The following COL1A2 variants were observed in gnomAD, a reference collection of about 807,000 sequenced individuals.
COL1A2 encodes the protein collagen alpha-2(I) chain.
COL1A2 carries 49 observed loss-of-function variants against 174.3 expected under a neutral mutation model. The ratio of observed to expected loss-of-function variants is 0.28; its 90% CI spans 0.22 to 0.36. COL1A2 has a LOEUF of 0.36. Among genes scored for constraint, COL1A2 ranks in the 10% least tolerant of loss-of-function variants. The probability of loss-of-function intolerance (pLI) is 1.00; values close to 1 mark genes in which losing one functional copy is unlikely to be tolerated. For missense variants in COL1A2, 1,438 were observed against 1,822.7 expected, an observed-to-expected ratio of 0.79 and a Z score of 3.84; for synonymous variants, 655 against 606.6, an observed-to-expected ratio of 1.08 and a Z score of -1.17.
At chr7:94,416,270 G>T in intron 30 of COL1A2, 135 bp from the exon 31 acceptor site, 1 of 713,998 alleles carries the variant, frequency 1.4e-6, no homozygotes, top group South Asian at 1.9e-5. Flanking sequence ...GAGAGATTAG[G>T]AACAAAAGAA....
Position 94,420,348 on chromosome 7 carries a change from C to T in COL1A2, c.2134-43C>T, listed in dbSNP as rs368041478. The T allele has an allele frequency of 6.4e-5, 104 of 1,613,942 alleles. 1 individual carries two copies. Among genetic ancestry groups the T allele is most frequent in the Non-Finnish European group, 7.8e-5 (92 of 1,180,010 alleles). On this transcript the variant is annotated intron_variant, in intron 35 of 51. Transcript: ENST00000297268. Reference sequence around the variant, plus strand: ...CTCACAATGTTTAGACATTGATGAACCTAGGATTGATAACACATTTTTAAA... The same window carrying T: ...CTCACAATGTTTAGACATTGATGAATCTAGGATTGATAACACATTTTTAAA...
rs74335369 is a variant in COL1A2 at position 94,429,175 on chromosome 7, C to T, written c.3712-13C>T. 9,013 of 1,603,358 alleles carry T rather than the reference C, an allele frequency of 5.6e-3. 426 individuals carry two copies. The African/African-American group carries it at 0.1, about 18-fold the overall frequency. The stretch of plus-strand genomic sequence containing the variant: ...TTCTCCACTTAACTGGAATTTCATC[C>T]TATTTTCTGTAGTTTGAATATAATG... On this transcript the variant is annotated splice_polypyrimidine_tract_variant and intron_variant, in intron 50 of 51. Coordinates refer to ENST00000297268, the MANE Select transcript of COL1A2 (RefSeq NM_000089.4).
intron 31 of COL1A2, 43 bp downstream of exon 31, chr7:94,416,546 G>A: frequency 7.1e-7 from 1 of 1,409,374 alleles, no homozygotes; most frequent in Non-Finnish European, 9.8e-7. Flanking sequence ...GGCCCAGTCT[G>A]CCTGGAATAA....
chr7:94,428,401 C>T lies in COL1A2; in HGVS notation c.3635C>T (p.Pro1212Leu). The change falls in exon 50 of 52, where the codon CCA becomes CTA. Residue 1212 changes from proline to leucine, a missense_variant. Physicochemically the swap from Pro to Leu is moderately conservative, Grantham distance 98 (BLOSUM62 -3). Around this residue, in one of 3 missense-constraint regions of COL1A2, gnomAD observed 290 missense variants for 298.1 expected, o/e 0.97. Transcript: ENST00000297268. ...ATCCGGGCCCAACCTGAAAACATCCCAGCCAAGAACTGGTATAGGAGCTCC... is the reference window on the plus strand; with the variant it reads ...ATCCGGGCCCAACCTGAAAACATCCTAGCCAAGAACTGGTATAGGAGCTCC... ...TCIRAQPENI[P>L]AKNWYRSSKD... 1 of 1,614,080 alleles carries T rather than the reference C, an allele frequency of 6.2e-7. No homozygotes were observed. The highest frequency in any genetic ancestry group is 1.7e-5 in the Admixed American group (1 of 60,024).
Position 94,409,309 on chromosome 7 carries a change from T to C in COL1A2, c.793-13T>C. On this transcript the variant is annotated splice_polypyrimidine_tract_variant and intron_variant, in intron 16 of 51. Transcript: ENST00000297268. ...TTTGCTGGTTAATTCCTTGGTTTAA[T>C]TTCCTCTTTTAGGGTGAAATTGGAG... The C allele has an allele frequency of 6.2e-7, 1 of 1,612,988 alleles. No individual in the cohort carries two copies. Among genetic ancestry groups the C allele is most frequent in the African/African-American group, 1.3e-5 (1 of 75,040 alleles).
intron 51 of COL1A2, chr7:94,430,036 T>G (rs1417905871): frequency 6.8e-6 from 4 of 586,608 alleles, no homozygotes; most frequent in East Asian, 5.8e-5. Flanking sequence ...TTGGTTTGTT[T>G]GTTTGTTTGT....
intron 1 of COL1A2, 114 bp downstream of exon 1, chr7:94,395,215 A>G: frequency 3.5e-6 from 3 of 853,878 alleles, no homozygotes; most frequent in Non-Finnish European, 6.2e-6. Flanking sequence ...TGGAGGGCAG[A>G]CTCTCAGGCA....
intron 30 of COL1A2, among the ~76,000 whole-genome samples, chr7:94,415,982 A>T (rs76131119): frequency 6.6e-6 from 1 of 152,172 alleles, no homozygotes; most frequent in Non-Finnish European, 1.5e-5. Flanking sequence ...ACAGGGTTAT[A>T]AAAAGGGGGC....
At chr7:94,412,488 C>A in intron 24 of COL1A2, 96 bp from the exon 25 acceptor site, 1 of 959,706 alleles carries the variant, frequency 1.0e-6, no homozygotes, top group Non-Finnish European at 1.6e-6. Flanking sequence ...TCTATGCATT[C>A]AGAAAACTAT....
At chr7:94,423,162 T>A in intron 40 of COL1A2, 44 bp downstream of exon 40, 1 of 1,608,182 alleles carries the variant, frequency 6.2e-7, no homozygotes, top group Non-Finnish European at 8.5e-7. Flanking sequence ...TTATGCTGAA[T>A]TAAAATAAAG....
At chr7:94,409,947 T>C in intron 19 of COL1A2, 126 bp downstream of exon 19, 2 of 923,412 alleles carry the variant, frequency 2.2e-6, no homozygotes, top group South Asian at 1.4e-5. Flanking sequence ...ATTTTTAGTT[T>C]ATATTTCTTA....
chr7:94,421,303 A>G (rs1308326862), intron 38 of COL1A2: 2 of 573,624 alleles, frequency 3.5e-6, no homozygotes, highest in East Asian at 5.9e-5. Flanking sequence ...GTTTAATTGT[A>G]AAGTCGGAAA....
chr7:94,403,648 C>T (rs552585144), intron 6 of COL1A2, among the ~76,000 whole-genome samples: 161 of 152,180 alleles, frequency 1.1e-3, no homozygotes, highest in African/African-American at 3.8e-3. Context: ...TAGATAAAAT[C>T]CATGTTATTT....
chr7:94,426,453 G>C lies in COL1A2; in HGVS notation c.3028G>C (p.Glu1010Gln). ...ACAAGGCATTCGTGGCGATAAGGGA[G>C]AGCCCGGTGAAAAGGGGCCCAGAGG... Reference protein sequence around the residue: ...GPQGIRGDKGEPGEKGPRGLP... With the variant: ...GPQGIRGDKGQPGEKGPRGLP... The change falls in exon 46 of 52, where the codon GAG (glutamate) becomes CAG (glutamine). Residue 1010 changes from glutamate (E) to glutamine (Q), a missense_variant. Physicochemically the swap from Glu to Gln is conservative, Grantham distance 29 (BLOSUM62 2). Coordinates refer to ENST00000297268, the MANE Select transcript of COL1A2 (RefSeq NM_000089.4). The C allele has an allele frequency of 6.2e-7, 1 of 1,605,878 alleles. No homozygotes were observed. Among genetic ancestry groups the C allele is most frequent in the Non-Finnish European group, 8.5e-7 (1 of 1,176,572 alleles).
At chr7:94,417,093 A>C (rs915299694) in intron 31 of COL1A2, among the ~76,000 whole-genome samples, 3 of 152,226 alleles carry the variant, frequency 2.0e-5, no homozygotes, top group African/African-American at 7.2e-5. Flanking sequence ...TCTAGGGGAA[A>C]AAATGTAAAC....
intron 9 of COL1A2, 143 bp downstream of exon 9, chr7:94,405,035 T>C: frequency 8.7e-7 from 1 of 1,148,798 alleles, no homozygotes; most frequent in Non-Finnish European, 1.3e-6. Flanking sequence ...ATTATTTTAA[T>C]GAAATATTAA....
intron 46 of COL1A2, 95 bp downstream of exon 46, chr7:94,426,625 G>A: frequency 1.1e-6 from 1 of 940,780 alleles, no homozygotes. Context: ...TTCCAGTATA[G>A]CCTATATAAT....
intron 51 of COL1A2, 137 bp from the exon 52 acceptor site, chr7:94,430,110 A>G: frequency 1.2e-6 from 1 of 862,470 alleles, no homozygotes; most frequent in East Asian, 2.6e-5. Flanking sequence ...TATTTCAAGG[A>G]TGAACTTATT....
chr7:94,404,156 T>G (rs770820678), intron 6 of COL1A2, among the ~76,000 whole-genome samples: 1 of 152,222 alleles, frequency 6.6e-6, no homozygotes, highest in Non-Finnish European at 1.5e-5. Flanking sequence ...ATTTCTTAGC[T>G]AAATATGACA....
Sources: gnomAD v4.1 joint callset for allele counts (sites outside exome capture counted in the v4.1 genomes callset) on GRCh38, gnomAD v4.1.1 for gene constraint, gnomAD v4.1.1 regional missense constraint, MANE v1.5 for transcripts, NCBI Gene and HGNC (gene_info 2026-07-23, HGNC 2026-07-21) for gene names.